Variants in VWC2L observed in about 807,000 individuals in gnomAD.
The protein encoded by VWC2L is von Willebrand factor C domain containing 2 like, also known as von Willebrand factor C domain-containing protein 2-like.
A neutral mutation model predicts 21.6 loss-of-function variants in VWC2L; 10 were observed. The observed-to-expected ratio is 0.46, with a 90% CI of 0.29 to 0.78. The LOEUF (loss-of-function observed/expected upper bound fraction) is 0.78. Ranked by LOEUF, VWC2L falls within the 30% of genes least tolerant of loss-of-function variation. The pLI is 0.10. For synonymous variants in VWC2L, 96 were observed against 94.3 expected, an observed-to-expected ratio of 1.02 and a Z score of -0.10; for missense variants, 209 against 277.1, an observed-to-expected ratio of 0.75 and a Z score of 1.74.
intron 3 of VWC2L, among the ~76,000 whole-genome samples, chr2:214,575,426 G>A (rs542345333): frequency 9.9e-5 from 15 of 151,946 alleles, no homozygotes; most frequent in Admixed American, 2.6e-4. Flanking sequence ...CAGAAAATAC[G>A]ATTTTTTTTG....
chr2:214,465,008 A>G (rs1469592307), intron 3 of VWC2L, among the ~76,000 whole-genome samples: 1 of 152,104 alleles, frequency 6.6e-6, no homozygotes, highest in Non-Finnish European at 1.5e-5. Flanking sequence ...GGATCCTTCC[A>G]GGCCTAGGTC....
intron 3 of VWC2L, among the ~76,000 whole-genome samples, chr2:214,493,051 A>C (rs1009814678): frequency 6.6e-6 from 1 of 152,250 alleles, no homozygotes; most frequent in Non-Finnish European, 1.5e-5. Context: ...TAAACAAAAT[A>C]TATCATAACT....
intron 3 of VWC2L, among the ~76,000 whole-genome samples, chr2:214,532,931 G>GGACCCTGTGCTAGAGAAAGGA (rs71037376): frequency 6.6e-6 from 1 of 151,714 alleles, no homozygotes; most frequent in Non-Finnish European, 1.5e-5. Flanking sequence ...TAGAGAGAGG[G>GGACCCTGTGCTAGAGAAAGGA]GACCCTGACA....
At chr2:214,486,563 A>G (rs1252899120) in intron 3 of VWC2L, among the ~76,000 whole-genome samples, 6 of 152,198 alleles carry the variant, frequency 3.9e-5, no homozygotes, top group Non-Finnish European at 7.3e-5. Context: ...TGAGTAAAAA[A>G]TAGCCATTGA....
chr2:214,539,554 G>A (rs1028176830), intron 3 of VWC2L, among the ~76,000 whole-genome samples: 7 of 152,070 alleles, frequency 4.6e-5, no homozygotes, highest in Admixed American at 3.3e-4. Context: ...TAAAATTTCC[G>A]TACTTATCCA....
chr2:214,545,982 T>C (rs1037708391), intron 3 of VWC2L, among the ~76,000 whole-genome samples: 26 of 152,306 alleles, frequency 1.7e-4, no homozygotes, highest in Admixed American at 1.5e-3. Context: ...TTAAAAGGCA[T>C]TTCTGTATCC....
rs1441587230 is a variant in VWC2L, at chr2:214,480,295, C to T, written c.520+43537C>T. On this transcript the variant is annotated intron_variant, in intron 3 of 3. Coordinates refer to ENST00000312504, the MANE Select transcript of VWC2L (RefSeq NM_001080500.4). ...TGTGAATTAACAAAACTAGAAAAAA[C>T]CTAAAGTCCCAGATGTTTGTGATAT... Among the ~76,000 whole-genome samples, 8 of 152,028 alleles carry T rather than the reference C, an allele frequency of 5.3e-5. No homozygotes were observed. The East Asian group carries it at 1.2e-3, about 22-fold the overall frequency.
In VWC2L at chr2:214,473,339, G is replaced by A. The variant is rs79007346; in HGVS notation, c.520+36581G>A. ...ACAGATAAACCCCCAATTTTCAGTG[G>A]TTGAAGGCAATAGTAGTTTATTATT... On this transcript the variant is annotated intron_variant, in intron 3 of 3. Coordinates refer to ENST00000312504, the MANE Select transcript of VWC2L (RefSeq NM_001080500.4). Among the ~76,000 whole-genome samples, 1,484 of 152,242 alleles carry A rather than the reference G, an allele frequency of 9.7e-3. 22 individuals carry two copies. The highest frequency in any genetic ancestry group is 0.034 in the African/African-American group (1,397 of 41,516).
intron 3 of VWC2L, among the ~76,000 whole-genome samples, chr2:214,549,371 C>T (rs1041946067): frequency 2.6e-5 from 4 of 152,206 alleles, no homozygotes; most frequent in African/African-American, 9.6e-5. Context: ...AATATAGCAA[C>T]TTCACCAATT....
intron 3 of VWC2L, among the ~76,000 whole-genome samples, chr2:214,448,885 G>A (rs1472317102): frequency 6.6e-6 from 1 of 152,054 alleles, no homozygotes; most frequent in Non-Finnish European, 1.5e-5. Flanking sequence ...GGTACCATCA[G>A]CAAACACCCC....
chr2:214,551,194 G>T (rs1012852670), intron 3 of VWC2L, among the ~76,000 whole-genome samples: 3 of 152,168 alleles, frequency 2.0e-5, no homozygotes, highest in African/African-American at 7.2e-5. Flanking sequence ...TTTCAGGGGA[G>T]AATCAGTGTA....
intron 3 of VWC2L, among the ~76,000 whole-genome samples, chr2:214,438,009 CCA>C (rs1346296486): frequency 1.5e-4 from 23 of 152,084 alleles, no homozygotes; most frequent in Non-Finnish European, 2.8e-4. Context: ...GTCATAGTGA[CCA>C]CTCTCTCACT....
intron 3 of VWC2L, among the ~76,000 whole-genome samples, chr2:214,475,489 G>GA (rs971113371): frequency 3.3e-5 from 5 of 152,036 alleles, no homozygotes; most frequent in Non-Finnish European, 5.9e-5. Context: ...CATAGGCACT[G>GA]AAAAATATAC....
At position 214,561,265 on chromosome 2, in the gene VWC2L, A is replaced by G. The variant is rs554135923; in HGVS notation, c.521-14407A>G. Among the ~76,000 whole-genome samples the G allele has an allele frequency of 5.9e-5, 9 of 152,272 alleles. No individual in the cohort carries two copies. The South Asian group carries it at 1.9e-3, about 32-fold the overall frequency. ...AAGCACCCACCCTTTGAAAACTCCT[A>G]TCGTAAAGAGATGCCCTTGTTCATT... On this transcript the variant is annotated intron_variant, in intron 3 of 3. Coordinates refer to ENST00000312504, the MANE Select transcript of VWC2L (RefSeq NM_001080500.4).
intron 3 of VWC2L, among the ~76,000 whole-genome samples, chr2:214,452,805 G>A (rs1239149706): frequency 2.0e-5 from 3 of 152,108 alleles, no homozygotes; most frequent in Non-Finnish European, 2.9e-5. Flanking sequence ...TTCTGTCATC[G>A]TGGTGTTAAG....
intron 3 of VWC2L, among the ~76,000 whole-genome samples, chr2:214,543,799 C>T (rs550685652): frequency 1.1e-4 from 16 of 152,300 alleles, no homozygotes; most frequent in African/African-American, 3.8e-4. Flanking sequence ...TGCTAAGTGG[C>T]TCCTACAGGG....
chr2:214,541,635 A>C (rs1689629025), intron 3 of VWC2L, among the ~76,000 whole-genome samples: 1 of 152,140 alleles, frequency 6.6e-6, no homozygotes, highest in Non-Finnish European at 1.5e-5. Context: ...TCGCTCTGCC[A>C]CACGTTAGGT....
chr2:214,438,460 A>G (rs889209752), intron 3 of VWC2L, among the ~76,000 whole-genome samples: 3 of 151,656 alleles, frequency 2.0e-5, no homozygotes, highest in Admixed American at 1.3e-4. Context: ...CCTTCCCCAC[A>G]TGGCTCTGGT....
At chr2:214,444,491 A>T (rs1373725872) in intron 3 of VWC2L, among the ~76,000 whole-genome samples, 2 of 152,090 alleles carry the variant, frequency 1.3e-5, no homozygotes, top group Non-Finnish European at 2.9e-5. Flanking sequence ...TTATTAGGTT[A>T]TCTAACAATA....
Sources: allele counts gnomAD v4.1 joint callset (sites outside exome capture counted in the v4.1 genomes callset), GRCh38; gene constraint gnomAD v4.1.1; transcripts MANE v1.5; gene names NCBI Gene and HGNC (gene_info 2026-07-23, HGNC 2026-07-21).